BCHE: variants seen among roughly 807,000 people sequenced by gnomAD.
BCHE encodes the protein butyrylcholinesterase.
In BCHE, 48 loss-of-function variants were observed where a neutral mutation model predicts 51.3. That is an observed-to-expected ratio of 0.94 (90% confidence interval 0.74 to 1.19). BCHE has a LOEUF of 1.19. Among genes scored for constraint, BCHE ranks in the 50% most tolerant of loss-of-function variants. The pLI is 0.00. For synonymous variants in BCHE, 251 were observed against 238.0 expected, an observed-to-expected ratio of 1.05 and a Z score of -0.50; for missense variants, 847 against 708.2, an observed-to-expected ratio of 1.20 and a Z score of -2.23.
At chr3:165,780,244 T>C (rs1481452019) in intron 3 of BCHE, among the ~76,000 whole-genome samples, 1 of 152,140 alleles carries the variant, frequency 6.6e-6, no homozygotes, top group Non-Finnish European at 1.5e-5. Flanking sequence ...CCTTACACTT[T>C]ATACAAAGAT....
intron 1 of BCHE, 112 bp downstream of exon 1, chr3:165,837,202 C>A: frequency 1.6e-6 from 1 of 623,486 alleles, no homozygotes; most frequent in South Asian, 1.7e-5. Flanking sequence ...CTGTTCCCCA[C>A]AGAGCACCAA....
intron 3 of BCHE, among the ~76,000 whole-genome samples, chr3:165,780,572 C>T (rs1366697596): frequency 6.6e-6 from 1 of 151,886 alleles, no homozygotes. Flanking sequence ...AAGAGAAAAG[C>T]AAACAACCCC....
intron 3 of BCHE, among the ~76,000 whole-genome samples, chr3:165,780,385 G>T (rs1255656213): frequency 6.6e-6 from 1 of 152,134 alleles, no homozygotes; most frequent in Admixed American, 6.6e-5. Context: ...AAAAGCAATT[G>T]CAGCCAAAGC....
intron 2 of BCHE, among the ~76,000 whole-genome samples, chr3:165,803,294 A>C (rs1173593905): frequency 6.6e-6 from 1 of 152,208 alleles, no homozygotes; most frequent in Non-Finnish European, 1.5e-5. Context: ...AAAGAGAGAA[A>C]GATGAGCAGG....
Position 165,829,877 on chromosome 3 carries a change from A to G in BCHE, c.1157T>C (p.Phe386Ser). ...KEFQEGLKIF[F>S]PGVSEFGKES... The stretch of plus-strand genomic sequence containing the variant: ...CTTTCCAAACTCACTCACTCCTGGA[A>G]AAAATATTTTTAAACCTTCCTGAAA... Residue 386 changes from phenylalanine to serine, a missense_variant, in exon 2 of 4, where the codon TTT (phenylalanine) becomes TCT (serine). By Grantham distance (155) the Phe-to-Ser change is radical. Coordinates refer to ENST00000264381, the MANE Select transcript of BCHE (RefSeq NM_000055.4). 1 of 1,611,908 alleles carries G rather than the reference A, an allele frequency of 6.2e-7. No homozygotes were observed. The highest frequency in any genetic ancestry group is 8.5e-7 in the Non-Finnish European group (1 of 1,179,358).
At chr3:165,828,419 T>C (rs1714811402) in intron 2 of BCHE, among the ~76,000 whole-genome samples, 1 of 152,092 alleles carries the variant, frequency 6.6e-6, no homozygotes, top group African/African-American at 2.4e-5. Flanking sequence ...CCACAGTGAA[T>C]AAGTATTAAA....
chr3:165,813,912 T>C (rs1239512508), intron 2 of BCHE, among the ~76,000 whole-genome samples: 2 of 152,014 alleles, frequency 1.3e-5, no homozygotes, highest in Non-Finnish European at 2.9e-5. Flanking sequence ...TTACATATAC[T>C]CTAATGTAAG....
At chr3:165,804,056 G>GAA (rs11447348) in intron 2 of BCHE, among the ~76,000 whole-genome samples, 201 of 146,742 alleles carry the variant, frequency 1.4e-3, no homozygotes, top group Admixed American at 2.0e-3. Flanking sequence ...AGAAAGGTTA[G>GAA]AAAAAAAAAA....
chr3:165,831,111 A>T, intron 1 of BCHE, 70 bp from the exon 2 acceptor site: 1 of 1,310,780 alleles, frequency 7.6e-7, no homozygotes. Context: ...ATTGATGATA[A>T]TTACCTAAAA....
chr3:165,798,106 G>C (rs913055166), intron 2 of BCHE, among the ~76,000 whole-genome samples: 1 of 152,108 alleles, frequency 6.6e-6, no homozygotes, highest in African/African-American at 2.4e-5. Flanking sequence ...TTGTAGACTT[G>C]CATAGAGTCA....
chr3:165,832,135 A>G (rs1460958399), intron 1 of BCHE, among the ~76,000 whole-genome samples: 1 of 152,212 alleles, frequency 6.6e-6, no homozygotes, highest in African/African-American at 2.4e-5. Flanking sequence ...ATGAAATAAT[A>G]TTTAATGGAT....
chr3:165,832,758 C>T (rs1480539537), intron 1 of BCHE, among the ~76,000 whole-genome samples: 1 of 152,044 alleles, frequency 6.6e-6, no homozygotes, highest in African/African-American at 2.4e-5. Flanking sequence ...ATAAACGAAT[C>T]CTACAAATAC....
chr3:165,781,898 T>G (rs895910857), intron 3 of BCHE, among the ~76,000 whole-genome samples: 7 of 152,138 alleles, frequency 4.6e-5, no homozygotes, highest in Non-Finnish European at 1.0e-4. Flanking sequence ...AATTGCCTAA[T>G]GGATGAATGA....
intron 2 of BCHE, chr3:165,827,951 T>A (rs1031817203): frequency 1.4e-5 from 6 of 430,438 alleles, no homozygotes; most frequent in African/African-American, 1.2e-4. Context: ...TCTCATTCAA[T>A]CATTAGCCAA....
chr3:165,796,867 C>G (rs1002590137), intron 2 of BCHE, among the ~76,000 whole-genome samples: 13 of 152,012 alleles, frequency 8.6e-5, no homozygotes, highest in African/African-American at 2.9e-4. Context: ...CAAAGAGTTA[C>G]CACACAAAAG....
chr3:165,824,087 C>T (rs1714628812), intron 2 of BCHE, among the ~76,000 whole-genome samples: 1 of 151,770 alleles, frequency 6.6e-6, no homozygotes, highest in African/African-American at 2.4e-5. Context: ...TAAGATTATT[C>T]TTACATGAAA....
In BCHE at chr3:165,790,528, T is replaced by TA. The variant is rs568085564; in HGVS notation, c.1518-4218dup. On this transcript the variant is annotated intron_variant, in intron 2 of 3. Transcript: ENST00000264381. ...TTCTATGAATAGCTCTTCTGAGTTATAAAATCTGACAGAGTCCACAGGGAC... is the reference window on the plus strand; with the variant it reads ...TTCTATGAATAGCTCTTCTGAGTTATAAAAATCTGACAGAGTCCACAGGGAC... Among the ~76,000 whole-genome samples, 9 of 152,304 alleles carry TA rather than the reference T, an allele frequency of 5.9e-5. No homozygotes were observed. In the South Asian group the frequency reaches 1.9e-3, roughly 32 times the overall value.
chr3:165,773,402 C>A lies in BCHE; in HGVS notation c.1789G>T (p.Glu597Ter). Residue 597 changes from glutamate to a stop codon, truncating the protein, a stop_gained, in exon 4 of 4, where the codon GAA (glutamate) becomes TAA (stop). Transcript: ENST00000264381. LOFTEE classifies it high-confidence loss of function. ...NQFNDYTSKK[E>*]SCVGL ...ATTAATTAGAGACCCACACAACTTT[C>A]TTTCTTGCTAGTGTAATCGTTAAAT... The A allele has an allele frequency of 6.2e-7, 1 of 1,611,040 alleles. No individual in the cohort carries two copies. The highest frequency in any genetic ancestry group is 2.2e-5 in the East Asian group (1 of 44,642).
intron 2 of BCHE, among the ~76,000 whole-genome samples, chr3:165,808,253 G>A (rs1321475647): frequency 1.3e-5 from 2 of 152,008 alleles, no homozygotes; most frequent in Admixed American, 6.6e-5. Flanking sequence ...TCAAAGTGCT[G>A]GGATTACAGG....
Sources: allele counts gnomAD v4.1 joint callset (sites outside exome capture counted in the v4.1 genomes callset), GRCh38; gene constraint gnomAD v4.1.1; transcripts MANE v1.5; gene names NCBI Gene and HGNC (gene_info 2026-07-23, HGNC 2026-07-21).